The following EYS variants were observed in gnomAD, a reference collection of about 807,000 sequenced individuals.
EYS encodes the protein protein eyes shut homolog.
Under a neutral mutation model 282.1 loss-of-function variants are expected in EYS, and 250 were observed. The observed-to-expected ratio is 0.89, with a 90% confidence interval of 0.80 to 0.98. The LOEUF (loss-of-function observed/expected upper bound fraction) is 0.98, where lower values mean the gene tolerates loss of function less well. EYS is among the 50% of genes least tolerant of loss of function. EYS has a pLI of 0.00. For missense variants in EYS, 4,016 were observed against 3,709.0 expected (o/e 1.08, Z -2.15); for synonymous variants, 1,355 against 1,282.9 (o/e 1.06, Z -1.20).
At chr6:64,657,274 A>C (rs1238977385) in intron 22 of EYS, among the ~76,000 whole-genome samples, 1 of 152,136 alleles carries the variant, frequency 6.6e-6, no homozygotes, top group Non-Finnish European at 1.5e-5. Flanking sequence ...GGTTTCCTGA[A>C]TACAGCACAC....
At chr6:65,022,325 A>G (rs1772273795) in intron 13 of EYS, among the ~76,000 whole-genome samples, 1 of 152,218 alleles carries the variant, frequency 6.6e-6, no homozygotes, top group Non-Finnish European at 1.5e-5. Context: ...CAGTTTATCT[A>G]ATTGGATAAA....
At chr6:63,946,970 C>T (rs1337534333) in intron 35 of EYS, among the ~76,000 whole-genome samples, 1 of 151,446 alleles carries the variant, frequency 6.6e-6, no homozygotes, top group Non-Finnish European at 1.5e-5. Flanking sequence ...CCTATGTACC[C>T]ATAAAAATTA....
At chr6:63,724,560 G>A (rs1055397413) in intron 42 of EYS, among the ~76,000 whole-genome samples, 3 of 152,014 alleles carry the variant, frequency 2.0e-5, no homozygotes, top group African/African-American at 7.2e-5. Flanking sequence ...ACAAAATGTT[G>A]ATAATTTTTA....
intron 26 of EYS, among the ~76,000 whole-genome samples, chr6:64,448,951 C>T (rs2150475319): frequency 6.6e-6 from 1 of 152,298 alleles, no homozygotes; most frequent in Middle Eastern, 3.4e-3. Flanking sequence ...CAGAGAGCAT[C>T]TCCTCCTCCA....
rs138528890 is a variant in EYS at position 64,289,277 on chromosome 6, T to G, written c.6191+17693A>C. Among the ~76,000 whole-genome samples the G allele has an allele frequency of 6.6e-5, 10 of 152,182 alleles. No individual in the cohort carries two copies. The East Asian group carries it at 1.9e-3, about 29-fold the overall frequency. The stretch of plus-strand genomic sequence containing the variant: ...CCCACTTTAGAACAAAGTTCAGGCA[T>G]TCCTTCTTTTATAAAGCATGCCCAC... On this transcript the variant is annotated intron_variant, in intron 30 of 42. Coordinates refer to ENST00000503581, the MANE Select transcript of EYS (RefSeq NM_001142800.2).
chr6:63,757,004 G>A (rs1289671348), intron 41 of EYS, among the ~76,000 whole-genome samples: 1 of 152,066 alleles, frequency 6.6e-6, no homozygotes, highest in Non-Finnish European at 1.5e-5. Flanking sequence ...TATGAAATCA[G>A]TGCACCTTGA....
intron 12 of EYS, among the ~76,000 whole-genome samples, chr6:65,262,920 T>C (rs1405589111): frequency 6.6e-6 from 1 of 152,148 alleles, no homozygotes; most frequent in Non-Finnish European, 1.5e-5. Flanking sequence ...GGATCCGTCA[T>C]TGATATTATA....
At chr6:63,988,907 C>T (rs1767489284) in intron 34 of EYS, among the ~76,000 whole-genome samples, 1 of 151,272 alleles carries the variant, frequency 6.6e-6, no homozygotes, top group South Asian at 2.1e-4. Context: ...AGAAAATAGG[C>T]AAAGGGGAAG....
chr6:65,506,560 C>G (rs1385379872), intron 2 of EYS, among the ~76,000 whole-genome samples: 1 of 136,980 alleles, frequency 7.3e-6, no homozygotes, highest in East Asian at 2.4e-4. Flanking sequence ...CTCACTGTAA[C>G]CTTGATCTCC....
intron 1 of EYS, among the ~76,000 whole-genome samples, chr6:65,668,743 A>G (rs889177692): frequency 6.6e-6 from 1 of 151,970 alleles, no homozygotes; most frequent in African/African-American, 2.4e-5. Flanking sequence ...TAAACATTGA[A>G]GACATTGGCA....
intron 40 of EYS, among the ~76,000 whole-genome samples, chr6:63,769,907 G>C (rs951744508): frequency 6.6e-6 from 1 of 151,900 alleles, no homozygotes; most frequent in Admixed American, 6.6e-5. Flanking sequence ...GATAATAGAA[G>C]ATTTAATGTT....
At chr6:64,143,674 A>G (rs1234466938) in intron 31 of EYS, among the ~76,000 whole-genome samples, 1 of 152,170 alleles carries the variant, frequency 6.6e-6, no homozygotes, top group African/African-American at 2.4e-5. Context: ...GCTCCTGGGC[A>G]TGGATGTTCT....
intron 28 of EYS, among the ~76,000 whole-genome samples, chr6:64,408,108 C>T (rs949583727): frequency 5.9e-5 from 9 of 151,950 alleles, no homozygotes; most frequent in African/African-American, 2.2e-4. Context: ...TCTCCTTATT[C>T]TGCTCTAAAC....
rs181514966 is a variant in EYS, at chr6:65,125,480, A to G, written c.2024-67753T>C. ...TATGATGAAGTTATCAATGACAGAA[A>G]TTTTTAAGCACATTAATTATGCAGT... On this transcript the variant is annotated intron_variant, in intron 12 of 42. Transcript: ENST00000503581. Among the ~76,000 whole-genome samples, 10 of 152,296 alleles carry G rather than the reference A, an allele frequency of 6.6e-5. No homozygotes were observed. In the East Asian group the frequency reaches 1.7e-3, roughly 26 times the overall value.
chr6:65,369,374 G>A (rs1582197976), intron 8 of EYS, among the ~76,000 whole-genome samples: 1 of 142,364 alleles, frequency 7.0e-6, no homozygotes, highest in East Asian at 2.3e-4. Context: ...TGCTTAGTCT[G>A]TTCCAACAAA....
intron 22 of EYS, among the ~76,000 whole-genome samples, chr6:64,781,576 C>CAAAAAAAA (rs5876923): frequency 1.1e-5 from 1 of 87,744 alleles, no homozygotes; most frequent in South Asian, 3.8e-4. Flanking sequence ...GACTCCGTCT[C>CAAAAAAAA]AAAAAAAAAA....
intron 12 of EYS, among the ~76,000 whole-genome samples, chr6:65,269,786 T>C (rs971230514): frequency 2.6e-5 from 4 of 152,144 alleles, no homozygotes; most frequent in Non-Finnish European, 4.4e-5. Context: ...GAGGGCAAGC[T>C]AGTCTCTGAC....
chr6:65,356,099 G>C (rs1253425927), intron 8 of EYS, among the ~76,000 whole-genome samples: 1 of 151,972 alleles, frequency 6.6e-6, no homozygotes, highest in East Asian at 1.9e-4. Flanking sequence ...TTGATGACTA[G>C]ATAAAGAAAA....
chr6:63,952,154 A>G (rs1765623828), intron 35 of EYS, among the ~76,000 whole-genome samples: 5 of 152,150 alleles, frequency 3.3e-5, no homozygotes, highest in Admixed American at 3.3e-4. Context: ...TTCCTACAGG[A>G]CCTCCTCCAT....
Sources: allele counts gnomAD v4.1 joint callset (sites outside exome capture counted in the v4.1 genomes callset), GRCh38; gene constraint gnomAD v4.1.1; transcripts MANE v1.5; gene names NCBI Gene and HGNC (gene_info 2026-07-23, HGNC 2026-07-21).